The following CC2D2B variants were observed in gnomAD, a reference collection of about 807,000 sequenced individuals.
CC2D2B encodes protein CC2D2B.
In CC2D2B, 128 loss-of-function variants were observed where a neutral mutation model predicts 161.2. That is an observed-to-expected ratio of 0.79 (90% CI 0.69 to 0.92). The LOEUF (loss-of-function observed/expected upper bound fraction) is 0.92, where lower values mean the gene tolerates loss of function less well. Ranked by LOEUF, CC2D2B falls within the 40% of genes least tolerant of loss-of-function variation. The pLI is 0.00. For missense variants in CC2D2B, 1,173 were observed against 1,375.1 expected, an observed-to-expected ratio of 0.85 and a Z score of 2.32; for synonymous variants, 391 against 449.8, an observed-to-expected ratio of 0.87 and a Z score of 1.65.
rs2080109794 is a variant in CC2D2B, at chr10:96,032,973, C to T, written c.*965C>T. Among the ~76,000 whole-genome samples the T allele has an allele frequency of 6.6e-6, 1 of 152,140 alleles. No homozygotes were observed. Among genetic ancestry groups the T allele is most frequent in the Admixed American group, 6.6e-5 (1 of 15,246 alleles). The stretch of plus-strand genomic sequence containing the variant: ...AGGGGTCTAAGTAGGAAGCACTATA[C>T]TTTCTTCTAGTTTATTGTTTTGTCC... On this transcript the variant is annotated 3_prime_UTR_variant, in exon 35 of 35. Transcript: ENST00000646931.
chr10:95,966,371 A>G, intron 14 of CC2D2B, 69 bp downstream of exon 14: 3 of 598,284 alleles, frequency 5.0e-6, no homozygotes, highest in Non-Finnish European at 7.3e-6. Context: ...TTAATAATAA[A>G]GTGGGATTTC....
chr10:95,940,366 G>A (rs915333292), intron 9 of CC2D2B, among the ~76,000 whole-genome samples: 1 of 152,070 alleles, frequency 6.6e-6, no homozygotes, highest in South Asian at 2.1e-4. Context: ...ACTCTTAATT[G>A]TGCTTTTTGA....
At chr10:95,924,039 T>A (rs1344929487) in intron 3 of CC2D2B, among the ~76,000 whole-genome samples, 2 of 150,452 alleles carry the variant, frequency 1.3e-5, no homozygotes, top group African/African-American at 4.9e-5. Context: ...ATAAAAAAAA[T>A]AAAAAAGAAG....
intron 6 of CC2D2B, among the ~76,000 whole-genome samples, chr10:95,934,437 GAAA>G (rs551651883): frequency 4.2e-5 from 6 of 143,842 alleles, no homozygotes; most frequent in African/African-American, 1.6e-4. Context: ...ACTGGGGTAT[GAAA>G]AAAAAAAAAC....
chr10:96,018,416 C>G (rs1158051846), intron 30 of CC2D2B, among the ~76,000 whole-genome samples: 1 of 152,162 alleles, frequency 6.6e-6, no homozygotes, highest in African/African-American at 2.4e-5. Flanking sequence ...TTTGTCAGAG[C>G]CTTAAGCCAG....
At chr10:95,986,031 T>C (rs1012176909) in intron 19 of CC2D2B, among the ~76,000 whole-genome samples, 3 of 152,080 alleles carry the variant, frequency 2.0e-5, no homozygotes, top group African/African-American at 7.2e-5. Flanking sequence ...TGCCCAAAAC[T>C]TCATTAGCAA....
rs557639990 is a variant in CC2D2B, at chr10:95,946,642, A to C, written c.802-3254A>C. 6.8e-4 allele frequency among the ~76,000 whole-genome samples: 104 copies of C among 152,276 alleles called. No individual in the cohort carries two copies. In the South Asian group the frequency reaches 0.021, roughly 31 times the overall value. The stretch of plus-strand genomic sequence containing the variant: ...TTATGGGTTGGCTCTTACATAAAGA[A>C]CAAAGACTTACCAGCCATAAACAAG... On this transcript the variant is annotated intron_variant, in intron 9 of 34. Coordinates refer to ENST00000646931, the MANE Select transcript of CC2D2B (RefSeq NM_001349008.3).
intron 10 of CC2D2B, among the ~76,000 whole-genome samples, chr10:95,952,665 A>C (rs1276652744): frequency 1.3e-5 from 2 of 152,046 alleles, no homozygotes; most frequent in East Asian, 1.9e-4. Context: ...ACAGGTGTGC[A>C]CCACCATGCC....
intron 30 of CC2D2B, chr10:96,018,656 A>C (rs778256083): frequency 6.6e-6 from 1 of 152,286 alleles, no homozygotes; most frequent in Non-Finnish European, 1.5e-5. Flanking sequence ...GCACTGGCTC[A>C]CAAGTTGTTT....
Position 96,024,856 on chromosome 10 carries a change from G to A in CC2D2B, c.3892G>A (p.Glu1298Lys). Residue 1298 changes from glutamate (E) to lysine (K), a missense_variant, in exon 33 of 35, where the codon GAA (glutamate) becomes AAA (lysine). By Grantham distance (56) the Glu-to-Lys change is moderately conservative. This residue lies in a region of CC2D2B where 598 missense variants were observed against 693.2 expected (regional missense o/e 0.86). Coordinates refer to ENST00000646931, the MANE Select transcript of CC2D2B (RefSeq NM_001349008.3). Reference protein sequence around the residue: ...QGTKIQSIQPEEIIYFETDKS... With the variant: ...QGTKIQSIQPKEIIYFETDKS... ...TAACTTTGGTTGTCTATTTCAGCCT[G>A]AAGAAATAATTTATTTTGAAACTGA... is the stretch of plus-strand genomic sequence containing the variant. 2 of 1,506,056 alleles carry A rather than the reference G, an allele frequency of 1.3e-6. No homozygotes were observed. Among genetic ancestry groups the A allele is most frequent in the South Asian group, 1.2e-5 (1 of 82,988 alleles). 93.3% of individuals were successfully genotyped at this position (1,506,056 alleles called of 1,614,324 possible).
chr10:95,955,091 A>G (rs1187896400), intron 10 of CC2D2B, among the ~76,000 whole-genome samples: 1 of 152,120 alleles, frequency 6.6e-6, no homozygotes, highest in East Asian at 1.9e-4. Flanking sequence ...CCTGTGCTCA[A>G]TATGCCTTCT....
chr10:95,911,906 A>AT (rs997039441), intron 2 of CC2D2B, among the ~76,000 whole-genome samples: 3 of 152,142 alleles, frequency 2.0e-5, no homozygotes, highest in Admixed American at 1.3e-4. Context: ...AGAATTAGGT[A>AT]TTTTTTATTG....
At chr10:96,008,215 T>C (rs928688866) in intron 25 of CC2D2B, among the ~76,000 whole-genome samples, 3 of 151,628 alleles carry the variant, frequency 2.0e-5, no homozygotes, top group Non-Finnish European at 4.4e-5. Flanking sequence ...GAAAAATTAT[T>C]TTCAGATTCA....
At chr10:95,944,662 T>C (rs2076136226) in intron 9 of CC2D2B, among the ~76,000 whole-genome samples, 4 of 152,218 alleles carry the variant, frequency 2.6e-5, no homozygotes, top group Admixed American at 2.6e-4. Flanking sequence ...TTTACAATTA[T>C]TGAAGAAATA....
At chr10:95,926,880 G>T (rs1248356820) in intron 5 of CC2D2B, among the ~76,000 whole-genome samples, 2 of 151,360 alleles carry the variant, frequency 1.3e-5, no homozygotes, top group East Asian at 3.9e-4. Flanking sequence ...GTGTGCGCGC[G>T]CCTGAACAGG....
intron 11 of CC2D2B, among the ~76,000 whole-genome samples, chr10:95,961,214 C>G (rs1471475892): frequency 1.3e-5 from 2 of 152,144 alleles, no homozygotes; most frequent in African/African-American, 2.4e-5. Flanking sequence ...TTGCTCTTCT[C>G]TCTTTGGTAC....
At position 96,012,328 on chromosome 10, in the gene CC2D2B, T is replaced by C. The variant is rs1468598421; in HGVS notation, c.3189T>C (p.Pro1063=). 2 of 705,978 alleles carry C rather than the reference T, an allele frequency of 2.8e-6. No individual in the cohort carries two copies. The highest frequency in any genetic ancestry group is 5.2e-6 in the Non-Finnish European group (2 of 382,710). The allele number at this position is 705,978 out of a possible 1,614,324, so 43.7% of individuals were successfully genotyped here. A position where few individuals can be genotyped will look rare whatever the true frequency, so the allele number is the denominator to read the frequency against. ...TAAATATTTTTGCTACCATTGAACC[T>C]CAAATATCATATGTCACCTGTAATC... is the stretch of plus-strand genomic sequence containing the variant. ...TFLNIFATIE[P]QISYVTCNPT... is the part of the protein sequence containing the mutation. Residue 1063 remains proline, a synonymous_variant, in exon 27 of 35, where the codon CCT becomes CCC. Coordinates refer to ENST00000646931, the MANE Select transcript of CC2D2B (RefSeq NM_001349008.3).
At chr10:96,014,535 C>G (rs989282092) in intron 29 of CC2D2B, among the ~76,000 whole-genome samples, 6 of 152,150 alleles carry the variant, frequency 3.9e-5, no homozygotes, top group African/African-American at 1.4e-4. Context: ...ATTATTTTCT[C>G]TCACCTAACA....
intron 25 of CC2D2B, among the ~76,000 whole-genome samples, chr10:96,004,627 A>G (rs902259919): frequency 1.3e-5 from 2 of 152,234 alleles, no homozygotes; most frequent in Admixed American, 6.5e-5. Flanking sequence ...AGATCAAATT[A>G]TTCCTAAGGC....
Sources: allele counts gnomAD v4.1 joint callset (sites outside exome capture counted in the v4.1 genomes callset), GRCh38; gene constraint gnomAD v4.1.1; regional missense constraint gnomAD v4.1.1; transcripts MANE v1.5; gene names NCBI Gene and HGNC (gene_info 2026-07-23, HGNC 2026-07-21).